SPTAN1: variants seen among roughly 807,000 people sequenced by gnomAD.
SPTAN1 encodes spectrin alpha chain, non-erythrocytic 1.
In SPTAN1, 61 loss-of-function variants were observed where a neutral mutation model predicts 331.3. That is an observed-to-expected ratio of 0.18 (90% confidence interval 0.15 to 0.23). The LOEUF is 0.23. Ranked by LOEUF, SPTAN1 falls within the 10% of genes least tolerant of loss-of-function variation. SPTAN1 has a pLI of 1.00. For synonymous variants in SPTAN1, 1,153 were observed against 1,173.9 expected, an observed-to-expected ratio of 0.98 and a Z score of 0.36; for missense variants, 2,043 against 3,147.9, an observed-to-expected ratio of 0.65 and a Z score of 8.40.
chr9:128,583,675 A>G (rs1422220000), intron 15 of SPTAN1, 113 bp from the exon 16 acceptor site: 2 of 1,126,910 alleles, frequency 1.8e-6, no homozygotes, highest in Non-Finnish European at 2.6e-6. Context: ...ACATAAGTGA[A>G]GGAATAAAAT....
At chr9:128,607,200 C>T (rs1333416893) in intron 31 of SPTAN1, among the ~76,000 whole-genome samples, 1 of 151,512 alleles carries the variant, frequency 6.6e-6, no homozygotes, top group Non-Finnish European at 1.5e-5. Context: ...GACAGGGTTG[C>T]ACCACATTGC....
chr9:128,613,522 G>A (rs1011376923), intron 40 of SPTAN1, 37 bp downstream of exon 40: 1 of 1,541,264 alleles, frequency 6.5e-7, no homozygotes, highest in Non-Finnish European at 9.0e-7. Flanking sequence ...CGAGTGCCTG[G>A]GACACAGCTC....
intron 44 of SPTAN1, among the ~76,000 whole-genome samples, chr9:128,619,396 G>A (rs1290720392): frequency 6.6e-6 from 1 of 152,242 alleles, no homozygotes; most frequent in African/African-American, 2.4e-5. Flanking sequence ...CAGTTCTGGA[G>A]GCCAGAAGTC....
intron 12 of SPTAN1, 59 bp from the exon 13 acceptor site, chr9:128,582,420 A>G: frequency 6.7e-7 from 1 of 1,495,498 alleles, no homozygotes; most frequent in Non-Finnish European, 9.3e-7. Flanking sequence ...ACTTTTCTCC[A>G]GAGGCCAAGC....
rs1859856842 is a variant in SPTAN1 at position 128,632,146 on chromosome 9, G to A, written c.6782G>A (p.Arg2261Gln). 3 of 1,613,378 alleles carry A rather than the reference G, an allele frequency of 1.9e-6. No homozygotes were observed. The highest frequency in any genetic ancestry group is 1.7e-6 in the Non-Finnish European group (2 of 1,180,040). Residue 2261 changes from arginine to glutamine, a missense_variant, in exon 53 of 57, where the codon CGA becomes CAA. This residue lies in a region of SPTAN1 where 256 missense variants were observed against 376.4 expected (regional missense o/e 0.68). Coordinates refer to ENST00000372739, the MANE Select transcript of SPTAN1 (RefSeq NM_001130438.3). Reference sequence around the variant, plus strand: ...CTGCAGCGCAAGCACCAGGAAATCCGAGCCATGAGAAGTCAGCTCAAAAAG... The same window carrying A: ...CTGCAGCGCAAGCACCAGGAAATCCAAGCCATGAGAAGTCAGCTCAAAAAG... ...EATKRKHQEI[R>Q]AMRSQLKKIE... is the part of the protein sequence containing the mutation.
rs1235798479 is a variant in SPTAN1 at position 128,608,150 on chromosome 9, G to A, written c.4365G>A (p.Glu1455=). The stretch of plus-strand genomic sequence containing the variant: ...TTTAGCTGTTCCATCGGGACTGTGA[G>A]CAAGCTGAGAACTGGATGGCTGCCC... ...LELQLFHRDC[E]QAENWMAARE... Residue 1455 remains glutamate (E), a synonymous_variant, in exon 34 of 57, where the codon GAG becomes GAA. Transcript: ENST00000372739. 2.5e-6 allele frequency: 4 copies of A among 1,614,182 alleles called. No individual in the cohort carries two copies. The highest frequency in any genetic ancestry group is 1.7e-5 in the Admixed American group (1 of 60,006).
At chr9:128,612,634 T>C (rs1393681342) in intron 39 of SPTAN1, among the ~76,000 whole-genome samples, 2 of 152,172 alleles carry the variant, frequency 1.3e-5, no homozygotes, top group African/African-American at 4.8e-5. Context: ...TATAAAAACA[T>C]AGAGGTTTTG....
At chr9:128,588,691 CTCA>C in intron 20 of SPTAN1, 115 bp from the exon 21 acceptor site, 1 of 1,408,120 alleles carries the variant, frequency 7.1e-7, no homozygotes, top group Admixed American at 1.7e-5. Context: ...GTGAAGAATT[CTCA>C]TGAGTGTATA....
At chr9:128,582,339 A>G (rs1016321466) in intron 12 of SPTAN1, 140 bp from the exon 13 acceptor site, 4 of 765,790 alleles carry the variant, frequency 5.2e-6, no homozygotes, top group African/African-American at 3.5e-5. Flanking sequence ...AAAAAATGTC[A>G]TCACCAACCT....
At chr9:128,598,203 C>T (rs1589269538) in intron 24 of SPTAN1, among the ~76,000 whole-genome samples, 197 bp from the exon 25 acceptor site, 2 of 152,068 alleles carry the variant, frequency 1.3e-5, no homozygotes, top group East Asian at 1.9e-4. Context: ...CCACTTGGGC[C>T]TCCCAAAGTG....
chr9:128,592,972 C>G lies in SPTAN1; in HGVS notation c.3156-11C>G, dbSNP rs781434997. ...ATTCGTGCATGCTTTTGCTGTGCCCCCTCTGTGCAGGACACGCATAACTAA... is the reference window on the plus strand; with the variant it reads ...ATTCGTGCATGCTTTTGCTGTGCCCGCTCTGTGCAGGACACGCATAACTAA... On this transcript the variant is annotated splice_polypyrimidine_tract_variant and intron_variant, in intron 22 of 56. Transcript: ENST00000372739. The G allele has an allele frequency of 3.1e-6, 5 of 1,603,718 alleles. No homozygotes were observed. The highest frequency in any genetic ancestry group is 4.3e-6 in the Non-Finnish European group (5 of 1,174,528).
At chr9:128,575,492 G>T in intron 5 of SPTAN1, 147 bp downstream of exon 5, 1 of 878,428 alleles carries the variant, frequency 1.1e-6, no homozygotes, top group Non-Finnish European at 1.8e-6. Context: ...TAGATGTGAG[G>T]CACAATACTG....
At chr9:128,568,972 T>A (rs945725484) in intron 3 of SPTAN1, 75 bp downstream of exon 3, 1 of 1,601,128 alleles carries the variant, frequency 6.2e-7, no homozygotes, top group African/African-American at 1.3e-5. Context: ...ACATGTCAGT[T>A]TGGGTTCCCA....
intron 41 of SPTAN1, 118 bp from the exon 42 acceptor site, chr9:128,617,522 C>G: frequency 6.7e-7 from 1 of 1,500,052 alleles, no homozygotes; most frequent in Non-Finnish European, 9.2e-7. Context: ...AGAAAACTGG[C>G]AAGGATTTTC....
At chr9:128,623,239 C>CTT (rs879242470) in intron 45 of SPTAN1, among the ~76,000 whole-genome samples, 2 of 140,010 alleles carry the variant, frequency 1.4e-5, no homozygotes, top group African/African-American at 5.2e-5. Flanking sequence ...TTCTTTTTTT[C>CTT]TTTTTTTTTT....
At chr9:128,603,115 T>C (rs952102014) in intron 27 of SPTAN1, among the ~76,000 whole-genome samples, 18 of 151,950 alleles carry the variant, frequency 1.2e-4, no homozygotes, top group African/African-American at 4.3e-4. Context: ...TAACTATAAT[T>C]GGAGATGAAA....
In SPTAN1 at chr9:128,581,049, G is replaced by A. The variant is rs1851879535; in HGVS notation, c.1451G>A (p.Ser484Asn). Residue 484 changes from serine (S) to asparagine (N), a missense_variant, in exon 11 of 57, where the codon AGC becomes AAC. Ser to Asn is a conservative substitution (Grantham distance 46). Around this residue, in one of 12 missense-constraint regions of SPTAN1, gnomAD observed 1,038 missense variants for 1,531.5 expected, o/e 0.68. Transcript: ENST00000372739. ...ACTGAGCAGGTGGACAACTGGATGAGCAAGCAGGAGGTAATCTGTGAGCAA... is the reference window on the plus strand; with the variant it reads ...ACTGAGCAGGTGGACAACTGGATGAACAAGCAGGAGGTAATCTGTGAGCAA... Reference protein sequence around the residue: ...RDTEQVDNWMSKQEAFLLNED... With the variant: ...RDTEQVDNWMNKQEAFLLNED... The A allele has an allele frequency of 6.2e-7, 1 of 1,614,058 alleles. No individual in the cohort carries two copies. The highest frequency in any genetic ancestry group is 8.5e-7 in the Non-Finnish European group (1 of 1,180,042).
At chr9:128,616,249 C>G (rs1200405207) in intron 41 of SPTAN1, among the ~76,000 whole-genome samples, 1 of 151,606 alleles carries the variant, frequency 6.6e-6, no homozygotes, top group Non-Finnish European at 1.5e-5. Context: ...GAGTCTCGCT[C>G]TGTCACCAGG....
chr9:128,615,018 C>T (rs1856989503), intron 40 of SPTAN1, among the ~76,000 whole-genome samples: 1 of 152,222 alleles, frequency 6.6e-6, no homozygotes, highest in East Asian at 1.9e-4. Context: ...CCACCAATTT[C>T]ATTAGAAAAA....
Sources: allele counts gnomAD v4.1 joint callset (sites outside exome capture counted in the v4.1 genomes callset), GRCh38; gene constraint gnomAD v4.1.1; regional missense constraint gnomAD v4.1.1; transcripts MANE v1.5; gene names NCBI Gene and HGNC (gene_info 2026-07-23, HGNC 2026-07-21).